The following FIG4 variants were observed in gnomAD, a reference collection of about 807,000 sequenced individuals.
The protein encoded by FIG4 is polyphosphoinositide phosphatase.
In FIG4, 112 loss-of-function variants were observed where a neutral mutation model predicts 118.6. The ratio of observed to expected loss-of-function variants is 0.94; its 90% CI spans 0.81 to 1.11. The LOEUF is 1.11. Ranked by LOEUF, FIG4 falls within the 50% of genes least tolerant of loss-of-function variation. The pLI, the probability that FIG4 is intolerant of heterozygous loss-of-function variation, is 0.00. For synonymous variants in FIG4, 369 were observed against 381.2 expected, an observed-to-expected ratio of 0.97 and a Z score of 0.37; for missense variants, 969 against 1,111.7, an observed-to-expected ratio of 0.87 and a Z score of 1.83.
intron 4 of FIG4, among the ~76,000 whole-genome samples, chr6:109,729,965 A>G (rs932962673): frequency 6.6e-6 from 1 of 152,280 alleles, no homozygotes; most frequent in Non-Finnish European, 1.5e-5. Flanking sequence ...GATTTTTTAA[A>G]TCTCTACATA....
intron 4 of FIG4, among the ~76,000 whole-genome samples, chr6:109,728,020 G>C (rs1015772140): frequency 6.6e-6 from 1 of 152,120 alleles, no homozygotes; most frequent in African/African-American, 2.4e-5. Context: ...GATCTAAAGG[G>C]CTTTATTTGG....
chr6:109,767,878 A>G (rs76856331), intron 15 of FIG4, among the ~76,000 whole-genome samples: 2 of 150,072 alleles, frequency 1.3e-5, no homozygotes, highest in African/African-American at 2.4e-5. Flanking sequence ...TCTCGGAAAG[A>G]AAAAAAAAAG....
intron 22 of FIG4, among the ~76,000 whole-genome samples, chr6:109,824,123 C>T (rs1213284362): frequency 6.6e-6 from 1 of 152,178 alleles, no homozygotes; most frequent in Non-Finnish European, 1.5e-5. Flanking sequence ...ACAGTGCCTT[C>T]CCCACGGGGT....
intron 15 of FIG4, among the ~76,000 whole-genome samples, chr6:109,767,227 T>G (rs1369848802): frequency 1.3e-5 from 2 of 152,210 alleles, no homozygotes; most frequent in Non-Finnish European, 2.9e-5. Flanking sequence ...GTCATTTTTT[T>G]AAATAGGGTT....
chr6:109,732,401 C>T (rs939478575), intron 4 of FIG4, among the ~76,000 whole-genome samples: 8 of 152,152 alleles, frequency 5.3e-5, no homozygotes, highest in African/African-American at 1.9e-4. Flanking sequence ...ACGACTTTGC[C>T]TCTCACTGGC....
At chr6:109,699,527 G>A (rs1774840358) in intron 1 of FIG4, among the ~76,000 whole-genome samples, 1 of 148,610 alleles carries the variant, frequency 6.7e-6, no homozygotes, top group Non-Finnish European at 1.5e-5. Flanking sequence ...TTTTGAGACG[G>A]AGTCTTGCTG....
At chr6:109,823,437 C>T (rs1779069807) in intron 22 of FIG4, among the ~76,000 whole-genome samples, 1 of 152,156 alleles carries the variant, frequency 6.6e-6, no homozygotes, top group Admixed American at 6.5e-5. Flanking sequence ...AGTCTCCAGT[C>T]ATCTCAGGAT....
intron 17 of FIG4, among the ~76,000 whole-genome samples, chr6:109,785,327 C>G (rs1777921394): frequency 6.6e-6 from 1 of 152,066 alleles, no homozygotes; most frequent in Non-Finnish European, 1.5e-5. Context: ...CGGCTCATCA[C>G]TTTAAACTAA....
Position 109,708,184 on chromosome 6 carries a change from G to A in FIG4, c.67-6894G>A, listed in dbSNP as rs181385253. 5.9e-4 allele frequency among the ~76,000 whole-genome samples: 90 copies of A among 152,056 alleles called. 1 individual carries two copies. Among genetic ancestry groups the A allele is most frequent in the Non-Finnish European group, 1.1e-3 (78 of 67,976 alleles). ...GACCCCAGTGTCTGTTGCTCCCTCT[G>A]TGTGTCCATGTGTTCTCATCCCACT... is the stretch of plus-strand genomic sequence containing the variant. On this transcript the variant is annotated intron_variant, in intron 1 of 22. Coordinates refer to ENST00000230124, the MANE Select transcript of FIG4 (RefSeq NM_014845.6).
chr6:109,727,364 CTGTAGCCT>C lies in FIG4; in HGVS notation c.446+102_446+109del, dbSNP rs956770641. ...AATATAATGGCATGGTCATAGCTTG[CTGTAGCCT>C]TGGCCTCCCAGGCTCAAGTACTTTT... On this transcript the variant is annotated intron_variant, in intron 4 of 22. Coordinates refer to ENST00000230124, the MANE Select transcript of FIG4 (RefSeq NM_014845.6). 62 of 990,996 alleles carry C rather than the reference CTGTAGCCT, an allele frequency of 6.3e-5. No homozygotes were observed. The Admixed American group carries it at 1.1e-3, about 17-fold the overall frequency. 61.4% of individuals were successfully genotyped at this position (990,996 alleles called of 1,614,324 possible). A position where few individuals can be genotyped will look rare whatever the true frequency, so the allele number is the denominator to read the frequency against.
intron 22 of FIG4, among the ~76,000 whole-genome samples, chr6:109,799,466 A>C (rs1374043848): frequency 1.3e-5 from 2 of 152,230 alleles, no homozygotes; most frequent in Non-Finnish European, 2.9e-5. Flanking sequence ...TTCTAAAGCT[A>C]TGTCCAAACC....
chr6:109,811,914 T>C (rs1040326108), intron 22 of FIG4, among the ~76,000 whole-genome samples: 2 of 152,098 alleles, frequency 1.3e-5, no homozygotes, highest in African/African-American at 4.8e-5. Context: ...AGGAATAAAC[T>C]TGGCATGTTT....
chr6:109,797,367 G>A (rs1234929188), intron 22 of FIG4, among the ~76,000 whole-genome samples: 2 of 152,180 alleles, frequency 1.3e-5, no homozygotes, highest in Non-Finnish European at 2.9e-5. Flanking sequence ...TTCCTCATCT[G>A]CAAAAGGGAA....
intron 21 of FIG4, among the ~76,000 whole-genome samples, chr6:109,795,526 A>G (rs993840083): frequency 3.9e-5 from 6 of 152,002 alleles, no homozygotes; most frequent in Admixed American, 3.3e-4. Flanking sequence ...ATAGTCTTCA[A>G]AGAAAATACT....
chr6:109,781,055 T>C (rs1777788347), intron 16 of FIG4, among the ~76,000 whole-genome samples: 1 of 152,176 alleles, frequency 6.6e-6, no homozygotes, highest in Admixed American at 6.5e-5. Context: ...GATATGTGAG[T>C]TCCCTTTCTG....
At chr6:109,750,432 G>C (rs954292352) in intron 10 of FIG4, among the ~76,000 whole-genome samples, 1 of 152,146 alleles carries the variant, frequency 6.6e-6, no homozygotes, top group African/African-American at 2.4e-5. Context: ...CCAGGAGTCT[G>C]AGAGCAGACT....
At chr6:109,775,825 C>T (rs572111531) in intron 15 of FIG4, among the ~76,000 whole-genome samples, 61 of 152,100 alleles carry the variant, frequency 4.0e-4, no homozygotes, top group Non-Finnish European at 7.5e-4. Flanking sequence ...TTTGATGTAC[C>T]GTATTTCGTA....
chr6:109,729,773 CA>C (rs11305700), intron 4 of FIG4, among the ~76,000 whole-genome samples: 60,225 of 111,026 alleles, frequency 0.54, 13,238 homozygotes, highest in African/African-American at 0.63. Context: ...GACCCTGCCT[CA>C]AAAAAAAAAA....
intron 18 of FIG4, among the ~76,000 whole-genome samples, chr6:109,787,557 T>C (rs562568757): frequency 2.0e-5 from 3 of 152,322 alleles, no homozygotes; most frequent in African/African-American, 7.2e-5. Flanking sequence ...AAACCCTCAC[T>C]TCACATCTTT....
Sources: gnomAD v4.1 joint callset for allele counts (sites outside exome capture counted in the v4.1 genomes callset) on GRCh38, gnomAD v4.1.1 for gene constraint, MANE v1.5 for transcripts, NCBI Gene and HGNC (gene_info 2026-07-23, HGNC 2026-07-21) for gene names.